The following CHRM5 variants were observed in gnomAD, a reference collection of about 807,000 sequenced individuals.
CHRM5 encodes cholinergic receptor muscarinic 5.
In CHRM5, 18 loss-of-function variants were observed where a neutral mutation model predicts 39.0. The ratio of observed to expected loss-of-function variants is 0.46; its 90% CI spans 0.32 to 0.68. CHRM5 has a LOEUF of 0.68. Ranked by LOEUF, CHRM5 falls within the 30% of genes least tolerant of loss-of-function variation. The pLI is 0.04. For synonymous variants in CHRM5, 241 were observed against 246.3 expected (o/e 0.98, Z 0.20); for missense variants, 515 against 651.1 (o/e 0.79, Z 2.28).
chr15:33,976,489 G>T (rs1265980170), intron 1 of CHRM5, among the ~76,000 whole-genome samples: 2 of 152,080 alleles, frequency 1.3e-5, no homozygotes, highest in Non-Finnish European at 2.9e-5. Flanking sequence ...TTTCTGCCAT[G>T]CCCGCATCAG....
chr15:33,986,399 G>A (rs930634425), intron 1 of CHRM5, among the ~76,000 whole-genome samples: 8 of 152,054 alleles, frequency 5.3e-5, no homozygotes, highest in African/African-American at 9.6e-5. Flanking sequence ...GTAAGCCACC[G>A]CGCCCGGCCC....
Position 34,063,789 on chromosome 15 carries a change from AC to A in CHRM5, c.1076del (p.Pro359GlnfsTer27). On this transcript the variant is annotated frameshift_variant, in exon 3 of 3. Transcript: ENST00000383263. LOFTEE classifies it high-confidence loss of function. This position sits in a 1 kb window ranked among gnomAD's most constrained non-coding sequence, Gnocchi z 4.1. ...TGAAACTGAAAAAAGTGACTATGAC[AC>A]CCCAAACTACCTTCTGTCTCCAGCA... ...KAETEKSDYD[T>X]PNYLLSPAAA... 6.2e-7 allele frequency: 1 copy of A among 1,614,132 alleles called. No homozygotes were observed. Among genetic ancestry groups the A allele is most frequent in the Non-Finnish European group, 8.5e-7 (1 of 1,180,022 alleles).
At chr15:33,998,434 G>A (rs1458763137) in intron 1 of CHRM5, among the ~76,000 whole-genome samples, 1 of 152,054 alleles carries the variant, frequency 6.6e-6, no homozygotes, top group East Asian at 1.9e-4. Context: ...ACCAGCCTAA[G>A]CAACATAAGA....
At chr15:34,007,686 T>C (rs1897417789) in intron 1 of CHRM5, among the ~76,000 whole-genome samples, 1 of 152,236 alleles carries the variant, frequency 6.6e-6, no homozygotes, top group African/African-American at 2.4e-5. Context: ...ATTACTTTCC[T>C]ACAGCTGCCA....
rs1340950180 is a variant in CHRM5 at position 34,064,260 on chromosome 15, A to C, written c.1543A>C (p.Lys515Gln). 3 of 1,614,068 alleles carry C rather than the reference A, an allele frequency of 1.9e-6. No homozygotes were observed. The highest frequency in any genetic ancestry group is 2.5e-6 in the Non-Finnish European group (3 of 1,179,994). The stretch of plus-strand genomic sequence containing the variant: ...TAAGATGCTGCTTCTCTGCCGATGG[A>C]AAAAGAAAAAAGTGGAAGAGAAGTT... ...TFKMLLLCRW[K>Q]KKKVEEKLYW... is the part of the protein sequence containing the mutation. The change falls in exon 3 of 3, where the codon AAA becomes CAA. Residue 515 changes from lysine to glutamine, a missense_variant. By Grantham distance (53) the Lys-to-Gln change is moderately conservative. Transcript: ENST00000383263.
intron 1 of CHRM5, among the ~76,000 whole-genome samples, chr15:34,032,233 G>C (rs540459624): frequency 6.6e-6 from 1 of 152,198 alleles, no homozygotes; most frequent in South Asian, 2.1e-4. Flanking sequence ...CTAATTTCTA[G>C]AAAAAGGCTA....
At chr15:34,020,172 G>A (rs1005390436) in intron 1 of CHRM5, among the ~76,000 whole-genome samples, 4 of 152,166 alleles carry the variant, frequency 2.6e-5, no homozygotes, top group South Asian at 4.1e-4. Context: ...TTAGCCAGGC[G>A]TGGTGGTGGG....
At chr15:34,053,314 A>T (rs1285267651) in intron 2 of CHRM5, among the ~76,000 whole-genome samples, 9 of 108,248 alleles carry the variant, frequency 8.3e-5, no homozygotes, top group African/African-American at 3.1e-4. Context: ...AAAAAAAAAA[A>T]AAAAAATATA....
In CHRM5 at chr15:34,064,561, G is replaced by C; in HGVS notation, c.*245G>C. 2 of 548,630 alleles carry C rather than the reference G, an allele frequency of 3.6e-6. No individual in the cohort carries two copies. Among genetic ancestry groups the C allele is most frequent in the Non-Finnish European group, 6.6e-6 (2 of 302,212 alleles). 34.0% of individuals were successfully genotyped at this position (548,630 alleles called of 1,614,324 possible). On this transcript the variant is annotated 3_prime_UTR_variant, in exon 3 of 3. Transcript: ENST00000383263. ...GATGCCAGGGGAGTTTGCCAATGAAGTAAAGGGATAGGCTCATGGCCCTTC... is the reference window on the plus strand; with the variant it reads ...GATGCCAGGGGAGTTTGCCAATGAACTAAAGGGATAGGCTCATGGCCCTTC...
At chr15:34,048,045 G>A (rs1409465896) in intron 2 of CHRM5, among the ~76,000 whole-genome samples, 2 of 135,834 alleles carry the variant, frequency 1.5e-5, no homozygotes, top group East Asian at 2.7e-4. Context: ...GTTTGTGTGT[G>A]TGTGTGTTTG....
chr15:33,982,477 A>T (rs1054140756), intron 1 of CHRM5, among the ~76,000 whole-genome samples: 1 of 152,250 alleles, frequency 6.6e-6, no homozygotes, highest in Admixed American at 6.5e-5. Flanking sequence ...TCTGGAGCAA[A>T]GCAATAACAT....
chr15:34,063,236 T>C lies in CHRM5; in HGVS notation c.519T>C (p.Val173=). The change falls in exon 3 of 3, where the codon GTT becomes GTC. Residue 173 remains valine (V), a synonymous_variant. Coordinates refer to ENST00000383263, the MANE Select transcript of CHRM5 (RefSeq NM_012125.4). This position sits in a 1 kb window ranked among gnomAD's most constrained non-coding sequence, Gnocchi z 4.1. ...CAATCCTCTGCTGGCAGTACTTGGT[T>C]GGGAAGCGGACAGTTCCACTGGATG... ...APAILCWQYL[V]GKRTVPLDEC... 1.2e-6 allele frequency: 2 copies of C among 1,614,214 alleles called. No individual in the cohort carries two copies. The highest frequency in any genetic ancestry group is 1.7e-6 in the Non-Finnish European group (2 of 1,180,050).
chr15:34,063,882 G>A lies in CHRM5; in HGVS notation c.1165G>A (p.Gly389Arg), dbSNP rs147203083. The change falls in exon 3 of 3, where the codon GGG becomes AGG. Residue 389 changes from glycine to arginine, a missense_variant. Physicochemically the swap from Gly to Arg is moderately radical, Grantham distance 125. Transcript: ENST00000383263. The surrounding 1 kb of genome is among the most constrained non-coding windows in gnomAD (Gnocchi z 4.1). ...YKFRLVVKAD[G>R]NQETNNGCHK... ...GTTCCGATTGGTGGTAAAAGCTGACGGGAACCAGGAGACCAACAATGGCTG... is the reference window on the plus strand; with the variant it reads ...GTTCCGATTGGTGGTAAAAGCTGACAGGAACCAGGAGACCAACAATGGCTG... 2.7e-4 allele frequency: 438 copies of A among 1,614,046 alleles called. No individual in the cohort carries two copies. Among genetic ancestry groups the A allele is most frequent in the Non-Finnish European group, 3.4e-4 (396 of 1,180,040 alleles).
At chr15:34,020,565 C>T (rs1019788497) in intron 1 of CHRM5, among the ~76,000 whole-genome samples, 1 of 152,202 alleles carries the variant, frequency 6.6e-6, no homozygotes, top group Admixed American at 6.5e-5. Context: ...CACACCACCT[C>T]ACAATTCTGA....
intron 1 of CHRM5, among the ~76,000 whole-genome samples, chr15:34,043,223 G>A (rs1422932879): frequency 6.6e-6 from 1 of 151,506 alleles, no homozygotes; most frequent in East Asian, 1.9e-4. Context: ...CTCCAGCCTG[G>A]GCGACCGAGC....
chr15:34,063,566 G>T lies in CHRM5; in HGVS notation c.849G>T (p.Lys283Asn). The change falls in exon 3 of 3, where the codon AAG becomes AAT. Residue 283 changes from lysine (K) to asparagine (N), a missense_variant. Lys to Asn is a moderately conservative substitution (Grantham distance 94). Transcript: ENST00000383263. This position sits in a 1 kb window ranked among gnomAD's most constrained non-coding sequence, Gnocchi z 4.1. ...GCAGGAGCACCTCCACCACTGGGAA[G>T]CCATCCCAAGCCACTGGCCCAAGCG... is the stretch of plus-strand genomic sequence containing the variant. Reference protein sequence around the residue: ...SSRRSTSTTGKPSQATGPSAN... With the variant: ...SSRRSTSTTGNPSQATGPSAN... 6.2e-7 allele frequency: 1 copy of T among 1,613,634 alleles called. No homozygotes were observed. The highest frequency in any genetic ancestry group is 8.5e-7 in the Non-Finnish European group (1 of 1,180,018).
intron 2 of CHRM5, among the ~76,000 whole-genome samples, chr15:34,056,034 T>C (rs1597391812): frequency 6.6e-6 from 1 of 152,192 alleles, no homozygotes; most frequent in Non-Finnish European, 1.5e-5. Context: ...GGTATTGTTA[T>C]ACGTGTTTAA....
At chr15:33,983,576 A>C (rs1315391775) in intron 1 of CHRM5, among the ~76,000 whole-genome samples, 1 of 152,106 alleles carries the variant, frequency 6.6e-6, no homozygotes, top group Non-Finnish European at 1.5e-5. Context: ...TGAACTTTTA[A>C]GGAAAAACAG....
chr15:34,025,170 A>T (rs576275727), intron 1 of CHRM5, among the ~76,000 whole-genome samples: 1 of 151,960 alleles, frequency 6.6e-6, no homozygotes, highest in African/African-American at 2.4e-5. Context: ...ACTCCATCTC[A>T]AAAAAAAGGG....
Sources: gnomAD v4.1 joint callset for allele counts (sites outside exome capture counted in the v4.1 genomes callset) on GRCh38, gnomAD v4.1.1 for gene constraint, Gnocchi (gnomAD v3.1) non-coding constraint, MANE v1.5 for transcripts, NCBI Gene and HGNC (gene_info 2026-07-23, HGNC 2026-07-21) for gene names.